The following SYF2 variants were observed in gnomAD, a reference collection of about 807,000 sequenced individuals.
SYF2 encodes SYF2 pre-mRNA splicing factor, also known as pre-mRNA-splicing factor SYF2.
Under a neutral mutation model 32.7 loss-of-function variants are expected in SYF2, and 21 were observed. That is an observed-to-expected ratio of 0.64 (90% CI 0.45 to 0.92). The LOEUF (loss-of-function observed/expected upper bound fraction) is 0.92, where lower values mean the gene tolerates loss of function less well. Among genes scored for constraint, SYF2 ranks in the 40% least tolerant of loss-of-function variants. SYF2 has a pLI of 0.00. For missense variants in SYF2, 278 were observed against 296.5 expected (o/e 0.94, Z 0.46); for synonymous variants, 114 against 103.9 (o/e 1.10, Z -0.59).
Position 25,223,335 on chromosome 1 carries a change from T to C in SYF2, c.663A>G (p.Lys221=). 1 of 1,614,016 alleles carries C rather than the reference T, an allele frequency of 6.2e-7. No individual in the cohort carries two copies. The highest frequency in any genetic ancestry group is 8.5e-7 in the Non-Finnish European group (1 of 1,179,988). ...TGTATTTCCCATAGAATCTTTCAGC[T>C]TTCTTGTTGAATTTGGCATTCCTTT... The part of the protein sequence containing the change: ...INERNAKFNK[K]AERFYGKYTA... Residue 221 remains lysine (K), a synonymous_variant, in exon 7 of 7, where the codon AAA becomes AAG. Transcript: ENST00000236273.
chr1:25,223,054 C>T lies in SYF2; in HGVS notation c.*212G>A. 4.8e-6 allele frequency: 2 copies of T among 416,958 alleles called. No individual in the cohort carries two copies. Among genetic ancestry groups the T allele is most frequent in the Middle Eastern group, 6.7e-4 (1 of 1,486 alleles). 25.8% of individuals were successfully genotyped at this position (416,958 alleles called of 1,614,324 possible). On this transcript the variant is annotated 3_prime_UTR_variant, in exon 7 of 7. Coordinates refer to ENST00000236273, the MANE Select transcript of SYF2 (RefSeq NM_015484.5). The stretch of plus-strand genomic sequence containing the variant: ...AGTAGATTACAAAACAACTTCACTA[C>T]AAGAAATACATCTTATATCCAAGCA...
intron 2 of SYF2, chr1:25,231,279 T>C (rs1638624799): frequency 6.6e-6 from 1 of 152,240 alleles, no homozygotes. Flanking sequence ...TTTTGGGATT[T>C]TGTGAAACCA....
intron 2 of SYF2, 62 bp from the exon 3 acceptor site, chr1:25,229,185 G>A: frequency 6.3e-7 from 1 of 1,575,156 alleles, no homozygotes; most frequent in Non-Finnish European, 8.6e-7. Flanking sequence ...GATACACCTT[G>A]CCTTCTTTGA....
chr1:25,227,008 C>T (rs180839271), intron 5 of SYF2, among the ~76,000 whole-genome samples: 22 of 150,790 alleles, frequency 1.5e-4, no homozygotes, highest in Admixed American at 1.3e-3. Context: ...AAGGGCCGGG[C>T]GCAGTAGCTC....
At position 25,229,125 on chromosome 1, in the gene SYF2, T is replaced by A. The variant is rs1207718655; in HGVS notation, c.133-2A>T. 3 of 1,610,538 alleles carry A rather than the reference T, an allele frequency of 1.9e-6. No homozygotes were observed. In the South Asian group the frequency reaches 3.3e-5, roughly 18 times the overall value. The stretch of plus-strand genomic sequence containing the variant: ...GTGATTTAATTTACGAGCTTCATTC[T>A]AAAACCGTAACACAAGAAGTCTGTC... On this transcript the variant is annotated splice_acceptor_variant, in intron 2 of 6. Coordinates refer to ENST00000236273, the MANE Select transcript of SYF2 (RefSeq NM_015484.5). LOFTEE classifies it high-confidence loss of function.
At position 25,223,175 on chromosome 1, in the gene SYF2, G is replaced by C. The variant is rs1346840811; in HGVS notation, c.*91C>G. On this transcript the variant is annotated 3_prime_UTR_variant, in exon 7 of 7. Coordinates refer to ENST00000236273, the MANE Select transcript of SYF2 (RefSeq NM_015484.5). ...GAGAAGGCATGGACTACTAAATTCT[G>C]GATTACTGATAAAATTTCAAAAAGA... is the stretch of plus-strand genomic sequence containing the variant. The C allele has an allele frequency of 4.6e-6, 6 of 1,303,790 alleles. No homozygotes were observed. The highest frequency in any genetic ancestry group is 6.3e-6 in the Non-Finnish European group (6 of 948,658). 80.8% of individuals were successfully genotyped at this position (1,303,790 alleles called of 1,614,324 possible).
Position 25,225,075 on chromosome 1 carries a change from T to C in SYF2, c.493A>G (p.Asn165Asp). ...ACATGTGTTCCATGAAGAAGACTAT[T>C]GGATGTTGGGAAAAACTCTTCTCCA... ...KHGEEFFPTSNSLLHGTHVPS... is the reference protein window; with the variant it reads ...KHGEEFFPTSDSLLHGTHVPS... Residue 165 changes from asparagine (N) to aspartate (D), a missense_variant, in exon 6 of 7, where the codon AAT becomes GAT. Physicochemically the swap from Asn to Asp is conservative, Grantham distance 23 (BLOSUM62 1). Transcript: ENST00000236273. 1.2e-6 allele frequency: 2 copies of C among 1,614,078 alleles called. No homozygotes were observed. Among genetic ancestry groups the C allele is most frequent in the South Asian group, 1.1e-5 (1 of 91,078 alleles).
chr1:25,231,221 A>T (rs1019017709), intron 2 of SYF2: 1 of 152,214 alleles, frequency 6.6e-6, no homozygotes, highest in African/African-American at 2.4e-5. Flanking sequence ...TCATTCTTGT[A>T]ATTTGAAAAG....
intron 4 of SYF2, 84 bp from the exon 5 acceptor site, chr1:25,227,616 G>T: frequency 1.6e-6 from 2 of 1,234,226 alleles, no homozygotes; most frequent in Non-Finnish European, 2.3e-6. Flanking sequence ...ATTATCACAG[G>T]TGAGTATCTT....
chr1:25,231,954 G>C, intron 2 of SYF2, 150 bp downstream of exon 2: 1 of 788,018 alleles, frequency 1.3e-6, no homozygotes. Flanking sequence ...TGTGCTGCCA[G>C]GGTTGAGTAC....
chr1:25,227,450 T>G lies in SYF2; in HGVS notation c.459A>C (p.Arg153Ser). 6.2e-7 allele frequency: 1 copy of G among 1,613,366 alleles called. No individual in the cohort carries two copies. The highest frequency in any genetic ancestry group is 1.1e-5 in the South Asian group (1 of 90,850). ...KPDMETYERL[R>S]EKHGEEFFPT... is the part of the protein sequence containing the mutation. ...GTTGAAAAAGGACTTACTGTTTTTC[T>G]CTCAGTCTCTCATATGTTTCCATGT... Residue 153 changes from arginine to serine, a missense_variant, in exon 5 of 7, where the codon AGA (arginine) becomes AGC (serine). By Grantham distance (110) the Arg-to-Ser change is moderately radical (BLOSUM62 -1). Transcript: ENST00000236273.
intron 5 of SYF2, among the ~76,000 whole-genome samples, chr1:25,227,167 C>T (rs1413981053): frequency 2.0e-5 from 3 of 152,064 alleles, no homozygotes; most frequent in African/African-American, 7.2e-5. Context: ...CCTGTAATCC[C>T]AGCTACTCAG....
In SYF2 at chr1:25,229,131, C is replaced by G. The variant is rs368847914; in HGVS notation, c.133-8G>C. The G allele has an allele frequency of 3.7e-6, 6 of 1,608,466 alleles. No individual in the cohort carries two copies. Among genetic ancestry groups the G allele is most frequent in the South Asian group, 3.3e-5 (3 of 89,728 alleles). ...TAATTTACGAGCTTCATTCTAAAAC[C>G]GTAACACAAGAAGTCTGTCAGCTAA... On this transcript the variant is annotated splice_region_variant and splice_polypyrimidine_tract_variant and intron_variant, in intron 2 of 6. Transcript: ENST00000236273.
Position 25,223,229 on chromosome 1 carries a change from C to A in SYF2, c.*37G>T. The A allele has an allele frequency of 3.9e-6, 6 of 1,531,686 alleles. No individual in the cohort carries two copies. The highest frequency in any genetic ancestry group is 1.3e-5 in the South Asian group (1 of 77,762). The allele number at this position is 1,531,686 out of a possible 1,614,324, so 94.9% of individuals were successfully genotyped here. ...TGATTTTGCTAGCAGAAATTTTTACCCCATTCTCAAGCTTCTATAAACAGT... is the reference window on the plus strand; with the variant it reads ...TGATTTTGCTAGCAGAAATTTTTACACCATTCTCAAGCTTCTATAAACAGT... On this transcript the variant is annotated 3_prime_UTR_variant, in exon 7 of 7. Coordinates refer to ENST00000236273, the MANE Select transcript of SYF2 (RefSeq NM_015484.5).
rs1209693494 is a variant in SYF2 at position 25,232,129 on chromosome 1, T to G, written c.107A>C (p.Lys36Thr). 6.2e-7 allele frequency: 1 copy of G among 1,614,012 alleles called. No homozygotes were observed. Among genetic ancestry groups the G allele is most frequent in the Admixed American group, 1.7e-5 (1 of 59,984 alleles). ...AAQKREQRLR[K>T]FRELHLMRNE... is the part of the protein sequence containing the mutation. ...CCGCATCAGGTGCAGCTCCCGGAAT[T>G]TGCGCAGTCTCTGTTCGCGCTTCTG... The change falls in exon 2 of 7, where the codon AAA becomes ACA. Residue 36 changes from lysine to threonine, a missense_variant. Lys to Thr is a moderately conservative substitution (Grantham distance 78). Coordinates refer to ENST00000236273, the MANE Select transcript of SYF2 (RefSeq NM_015484.5).
chr1:25,229,042 T>C lies in SYF2; in HGVS notation c.214A>G (p.Lys72Glu), dbSNP rs747343088. The C allele has an allele frequency of 1.1e-4, 184 of 1,614,114 alleles. No homozygotes were observed. In the East Asian group the frequency reaches 3.8e-3, roughly 33 times the overall value. The stretch of plus-strand genomic sequence containing the variant: ...TTTAGTTCCCACTCCAAACGAGCTT[T>C]TTTGGCTTCCCAATTTGCAGGTAAT... ...LKLPANWEAKKARLEWELKEE... is the reference protein window; with the variant it reads ...LKLPANWEAKEARLEWELKEE... Residue 72 changes from lysine to glutamate, a missense_variant, in exon 3 of 7, where the codon AAA becomes GAA. Transcript: ENST00000236273.
At chr1:25,232,047 A>C in intron 2 of SYF2, 57 bp downstream of exon 2, 1 of 1,561,022 alleles carries the variant, frequency 6.4e-7, no homozygotes, top group South Asian at 1.2e-5. Flanking sequence ...TCCCCTCTAC[A>C]AAAGCGCACA....
In SYF2 at chr1:25,231,214, T is replaced by C. The variant is rs575970208; in HGVS notation, c.132+890A>G. 4 of 152,330 alleles carry C rather than the reference T, an allele frequency of 2.6e-5. No homozygotes were observed. In the South Asian group the frequency reaches 8.3e-4, roughly 32 times the overall value. 9.4% of individuals were successfully genotyped at this position (152,330 alleles called of 1,614,324 possible). A position where few individuals can be genotyped will look rare whatever the true frequency, so the allele number is the denominator to read the frequency against. On this transcript the variant is annotated intron_variant, in intron 2 of 6. Transcript: ENST00000236273. ...GTCAGAAGAAAGAAATATGTGGTCA[T>C]TCTTGTAATTTGAAAAGTCTTCTTT...
intron 5 of SYF2, among the ~76,000 whole-genome samples, chr1:25,225,308 G>A (rs949649577): frequency 1.3e-5 from 2 of 150,492 alleles, no homozygotes; most frequent in South Asian, 2.1e-4. Context: ...CAGGCGGATC[G>A]TTTGAGGTCA....
Sources: allele counts gnomAD v4.1 joint callset (sites outside exome capture counted in the v4.1 genomes callset), GRCh38; gene constraint gnomAD v4.1.1; transcripts MANE v1.5; gene names NCBI Gene and HGNC (gene_info 2026-07-23, HGNC 2026-07-21).